NKAIN1: variants seen among roughly 807,000 people sequenced by gnomAD.
NKAIN1 encodes sodium/potassium-transporting ATPase subunit beta-1-interacting protein 1.
A neutral mutation model predicts 31.6 loss-of-function variants in NKAIN1; 13 were observed. The ratio of observed to expected loss-of-function variants is 0.41; its 90% CI spans 0.27 to 0.65. The LOEUF is 0.65. Among genes scored for constraint, NKAIN1 ranks in the 30% least tolerant of loss-of-function variants. NKAIN1 has a pLI of 0.30. For synonymous variants in NKAIN1, 104 were observed against 109.0 expected, an observed-to-expected ratio of 0.95 and a Z score of 0.28; for missense variants, 193 against 262.2, an observed-to-expected ratio of 0.74 and a Z score of 1.82.
intron 1 of NKAIN1, among the ~76,000 whole-genome samples, chr1:31,214,518 A>AGTGTATGTGTACAT (rs1645495665): frequency 6.6e-6 from 1 of 151,622 alleles, no homozygotes; most frequent in Non-Finnish European, 1.5e-5. Context: ...GCTTACATTC[A>AGTGTATGTGTACAT]GTGTATGTGT....
At position 31,181,731 on chromosome 1, in the gene NKAIN1, G is replaced by C; in HGVS notation, c.615-19C>G. 6.6e-7 allele frequency: 1 copy of C among 1,513,382 alleles called. No individual in the cohort carries two copies. The highest frequency in any genetic ancestry group is 8.9e-7 in the Non-Finnish European group (1 of 1,125,024). 93.7% of individuals were successfully genotyped at this position (1,513,382 alleles called of 1,614,324 possible). On this transcript the variant is annotated intron_variant, in intron 6 of 6. Transcript: ENST00000373736. ...CCCCGACCTGCGGGAAACAAAGGCA[G>C]GTTAGGGAGAGTGGATCCCAAAAGT...
chr1:31,220,174 ATTT>A (rs552267355), intron 1 of NKAIN1, among the ~76,000 whole-genome samples: 44,064 of 127,426 alleles, frequency 0.35, 8,690 homozygotes, highest in African/African-American at 0.59. Flanking sequence ...CGCCCAGCTA[ATTT>A]TTTTTTTTTT....
At position 31,228,512 on chromosome 1, in the gene NKAIN1, C is replaced by A. The variant is rs1024868723; in HGVS notation, c.54+10982G>T. Reference sequence around the variant, plus strand: ...TATCATTGTGTGCTGTTAGCACTGTCCTCTCAGGACCTAGAACCAGCATTG... The same window carrying A: ...TATCATTGTGTGCTGTTAGCACTGTACTCTCAGGACCTAGAACCAGCATTG... On this transcript the variant is annotated intron_variant, in intron 1 of 6. Transcript: ENST00000373736. Among the ~76,000 whole-genome samples, 9 of 152,140 alleles carry A rather than the reference C, an allele frequency of 5.9e-5. No homozygotes were observed. The East Asian group carries it at 1.7e-3, about 29-fold the overall frequency.
chr1:31,219,342 C>T (rs145547586), intron 1 of NKAIN1, among the ~76,000 whole-genome samples: 1 of 152,372 alleles, frequency 6.6e-6, no homozygotes, highest in East Asian at 1.9e-4. Context: ...ACACCTGCCC[C>T]TCCTTCCAAG....
Position 31,182,546 on chromosome 1 carries a change from C to T in NKAIN1, c.516G>A (p.Leu172=), listed in dbSNP as rs763699695. 28 of 1,614,166 alleles carry T rather than the reference C, an allele frequency of 1.7e-5. No homozygotes were observed. The South Asian group carries it at 2.6e-4, about 15-fold the overall frequency. ...VFACYVSKVF[L]EEEDSFDFIG... ...CTTACTCACAGCTGTCCTCCTCCTCCAGGAACACTTTGCTCACGTAGCAGG... is the reference window on the plus strand; with the variant it reads ...CTTACTCACAGCTGTCCTCCTCCTCTAGGAACACTTTGCTCACGTAGCAGG... The change falls in exon 5 of 7, where the codon CTG becomes CTA. Residue 172 remains leucine (L), a synonymous_variant. Transcript: ENST00000373736.
At chr1:31,231,387 T>C (rs1411222866) in intron 1 of NKAIN1, among the ~76,000 whole-genome samples, 1 of 150,672 alleles carries the variant, frequency 6.6e-6, no homozygotes, top group Non-Finnish European at 1.5e-5. Context: ...TTACCCAGGC[T>C]GGTCTCCAAC....
intron 3 of NKAIN1, 52 bp from the exon 4 acceptor site, chr1:31,184,066 GC>G: frequency 1.3e-6 from 2 of 1,505,686 alleles, no homozygotes; most frequent in Non-Finnish European, 1.8e-6. Flanking sequence ...GGAGGGGGGA[GC>G]TACTCCCCCA....
chr1:31,182,426 G>A, intron 5 of NKAIN1, 104 bp downstream of exon 5: 1 of 1,319,806 alleles, frequency 7.6e-7, no homozygotes, highest in South Asian at 1.3e-5. Context: ...GGGGCCCGTG[G>A]CCGACCCTGG....
chr1:31,220,131 C>T (rs531686224), intron 1 of NKAIN1, among the ~76,000 whole-genome samples: 1 of 151,448 alleles, frequency 6.6e-6, no homozygotes, highest in Non-Finnish European at 1.5e-5. Flanking sequence ...CCTCAGCCAC[C>T]TGAGCAGCTG....
intron 1 of NKAIN1, among the ~76,000 whole-genome samples, chr1:31,218,060 C>CTTTCTT (rs1557659962): frequency 1.4e-5 from 2 of 142,370 alleles, no homozygotes; most frequent in African/African-American, 5.3e-5. Context: ...TTCTTTCTTT[C>CTTTCTT]TTTCTTTCTT....
intron 1 of NKAIN1, among the ~76,000 whole-genome samples, chr1:31,218,898 C>T (rs1645538274): frequency 6.6e-6 from 1 of 152,216 alleles, no homozygotes. Context: ...GCAGTGCGCT[C>T]AGATGACTCG....
intron 5 of NKAIN1, 25 bp from the exon 6 acceptor site, chr1:31,181,966 T>C: frequency 1.3e-6 from 2 of 1,592,742 alleles, no homozygotes; most frequent in Non-Finnish European, 1.7e-6. Flanking sequence ...CGGCGCATGT[T>C]AGGGATCGGC....
At chr1:31,219,220 G>A (rs1390387427) in intron 1 of NKAIN1, among the ~76,000 whole-genome samples, 1 of 152,266 alleles carries the variant, frequency 6.6e-6, no homozygotes, top group African/African-American at 2.4e-5. Flanking sequence ...TGAGCCAGAA[G>A]GTAGTAGCAT....
intron 1 of NKAIN1, among the ~76,000 whole-genome samples, chr1:31,228,596 G>T (rs1645624827): frequency 6.6e-6 from 1 of 151,880 alleles, no homozygotes; most frequent in African/African-American, 2.4e-5. Context: ...GCAGTCATCC[G>T]ACCTACACAT....
Position 31,183,827 on chromosome 1 carries a change from A to G in NKAIN1, c.461T>C (p.Ile154Thr), listed in dbSNP as rs1421032196. The change falls in exon 4 of 7, where the codon ATC becomes ACC. Residue 154 changes from isoleucine to threonine, a missense_variant. Physicochemically the swap from Ile to Thr is moderately conservative, Grantham distance 89. Transcript: ENST00000373736. Reference protein sequence around the residue: ...YIEALSSALQIFLALFGFVFA... With the variant: ...YIEALSSALQTFLALFGFVFA... ...GACAGAAGGACTTACTGCCAGGAAG[A>G]TCTGCAGGGCGCTGCTGAGGGCTTC... The G allele has an allele frequency of 6.2e-7, 1 of 1,612,644 alleles. No individual in the cohort carries two copies. The highest frequency in any genetic ancestry group is 8.5e-7 in the Non-Finnish European group (1 of 1,179,202).
intron 1 of NKAIN1, among the ~76,000 whole-genome samples, chr1:31,211,495 A>G (rs935528709): frequency 3.3e-5 from 5 of 152,250 alleles, no homozygotes; most frequent in Non-Finnish European, 1.5e-5. Context: ...TATTGAAGAA[A>G]TTAAAGAAGA....
intron 6 of NKAIN1, 48 bp from the exon 7 acceptor site, chr1:31,181,760 G>C (rs1268706160): frequency 1.2e-5 from 18 of 1,538,524 alleles, no homozygotes; most frequent in Non-Finnish European, 1.6e-5. Context: ...CAAAAGTATG[G>C]GGGCGGAGAG....
intron 1 of NKAIN1, among the ~76,000 whole-genome samples, chr1:31,211,802 C>T (rs1354023595): frequency 5.3e-5 from 8 of 151,880 alleles, no homozygotes; most frequent in Non-Finnish European, 8.8e-5. Context: ...ATTAGCCAGG[C>T]GTGGTGACGC....
intron 1 of NKAIN1, among the ~76,000 whole-genome samples, chr1:31,223,375 CAAAAA>C (rs746638007): frequency 1.9e-5 from 2 of 106,666 alleles, no homozygotes; most frequent in Non-Finnish European, 1.9e-5. Context: ...GACTCCATCT[CAAAAA>C]AAAAAAAAAA....
Sources: gnomAD v4.1 joint callset for allele counts (sites outside exome capture counted in the v4.1 genomes callset) on GRCh38, gnomAD v4.1.1 for gene constraint, MANE v1.5 for transcripts, NCBI Gene and HGNC (gene_info 2026-07-23, HGNC 2026-07-21) for gene names.